The following NECAB1 variants were observed in gnomAD, a reference collection of about 807,000 sequenced individuals.
NECAB1 encodes N-terminal EF-hand calcium-binding protein 1.
A neutral mutation model predicts 57.5 loss-of-function variants in NECAB1; 29 were observed. That is an observed-to-expected ratio of 0.50 (90% CI 0.38 to 0.69). The LOEUF (loss-of-function observed/expected upper bound fraction) is 0.69. Among genes scored for constraint, NECAB1 ranks in the 30% least tolerant of loss-of-function variants. The pLI is 0.00. For synonymous variants in NECAB1, 142 were observed against 147.7 expected, an observed-to-expected ratio of 0.96 and a Z score of 0.28; for missense variants, 372 against 413.8, an observed-to-expected ratio of 0.90 and a Z score of 0.88.
chr8:90,898,423 A>C (rs1025387045), intron 5 of NECAB1, among the ~76,000 whole-genome samples: 2 of 152,178 alleles, frequency 1.3e-5, no homozygotes, highest in African/African-American at 4.8e-5. Flanking sequence ...ACTATTTGGG[A>C]ATCTGTAAAA....
At chr8:90,874,916 C>T (rs1171202949) in intron 4 of NECAB1, among the ~76,000 whole-genome samples, 2 of 151,278 alleles carry the variant, frequency 1.3e-5, no homozygotes, top group African/African-American at 2.4e-5. Context: ...ATCCACTCTT[C>T]ACATACAATT....
At position 90,906,764 on chromosome 8, in the gene NECAB1, A is replaced by G. The variant is rs560399118; in HGVS notation, c.358-10728A>G. On this transcript the variant is annotated intron_variant, in intron 5 of 12. Coordinates refer to ENST00000417640, the MANE Select transcript of NECAB1 (RefSeq NM_022351.5). ...AATATTACCTTCCAATTTATCAATAAGACATTCAGAACTAATTTTAAGTAG... is the reference window on the plus strand; with the variant it reads ...AATATTACCTTCCAATTTATCAATAGGACATTCAGAACTAATTTTAAGTAG... Among the ~76,000 whole-genome samples, 6 of 151,530 alleles carry G rather than the reference A, an allele frequency of 4.0e-5. 1 individual carries two copies. The highest frequency in any genetic ancestry group is 1.5e-4 in the African/African-American group (6 of 41,306).
At chr8:90,851,060 A>G (rs947677491) in intron 3 of NECAB1, among the ~76,000 whole-genome samples, 3 of 152,208 alleles carry the variant, frequency 2.0e-5, no homozygotes, top group African/African-American at 7.2e-5. Flanking sequence ...TCAACTGCCT[A>G]TATAATGAGG....
Position 90,956,943 on chromosome 8 carries a change from CGTGTGTGTGTGTGT to C in NECAB1, c.*1460_*1473del, listed in dbSNP as rs66645266. ...AATTTTGATATATTGTACATACACA[CGTGTGTGTGTGTGT>C]GTGTGTGTGTGTGTGTGTGTGTGTG... On this transcript the variant is annotated 3_prime_UTR_variant, in exon 13 of 13. Coordinates refer to ENST00000417640, the MANE Select transcript of NECAB1 (RefSeq NM_022351.5). 0.02 allele frequency: 2,818 copies of C among 143,440 alleles called. 39 individuals are homozygous for C. Among genetic ancestry groups the C allele is most frequent in the Non-Finnish European group, 0.028 (1,837 of 65,234 alleles). 8.9% of individuals were successfully genotyped at this position (143,440 alleles called of 1,614,324 possible).
chr8:90,886,212 G>A (rs1057240275), intron 5 of NECAB1, among the ~76,000 whole-genome samples: 1 of 151,920 alleles, frequency 6.6e-6, no homozygotes, highest in Non-Finnish European at 1.5e-5. Flanking sequence ...GCTGAGAGAA[G>A]TAAGCAAAAA....
intron 3 of NECAB1, among the ~76,000 whole-genome samples, chr8:90,831,370 TC>T (rs986558776): frequency 6.6e-6 from 1 of 151,950 alleles, no homozygotes; most frequent in African/African-American, 2.4e-5. Flanking sequence ...AAAACTTGAG[TC>T]CCCCGCAGAT....
rs1811998887 is a variant in NECAB1 at position 90,813,250 on chromosome 8, C to T, written c.125-11467C>T. On this transcript the variant is annotated intron_variant, in intron 2 of 12. Coordinates refer to ENST00000417640, the MANE Select transcript of NECAB1 (RefSeq NM_022351.5). The stretch of plus-strand genomic sequence containing the variant: ...ATGTATATATACACACACACACACA[C>T]ACACACACACACACACACACACTTG... 2 of 62,392 alleles carry T rather than the reference C, an allele frequency of 3.2e-5. 1 individual carries two copies. The highest frequency in any genetic ancestry group is 1.2e-4 in the African/African-American group (2 of 16,226). The allele number at this position is 62,392 out of a possible 1,614,324, so 3.9% of individuals were successfully genotyped here.
At chr8:90,886,667 G>C (rs973786263) in intron 5 of NECAB1, among the ~76,000 whole-genome samples, 5 of 152,052 alleles carry the variant, frequency 3.3e-5, no homozygotes, top group African/African-American at 9.7e-5. Context: ...TTACAGGCGA[G>C]AGCCACAGCA....
rs781568824 is a variant in NECAB1, at chr8:90,791,930, C to T, written c.44C>T (p.Ser15Leu). Residue 15 changes from serine (S) to leucine (L), a missense_variant, in exon 1 of 13, where the codon TCG becomes TTG. Coordinates refer to ENST00000417640, the MANE Select transcript of NECAB1 (RefSeq NM_022351.5). ...QETSPSSNNS[S>L]EELSSALHLS... ...ACATCGCCGTCCTCCAACAACTCCT[C>T]GGAGGAGCTCAGCTCTGCTCTGCAC... The T allele has an allele frequency of 1.0e-5, 16 of 1,552,604 alleles. No individual in the cohort carries two copies. The highest frequency in any genetic ancestry group is 1.4e-5 in the Non-Finnish European group (16 of 1,147,564).
At chr8:90,917,833 T>C (rs1809993582) in intron 6 of NECAB1, among the ~76,000 whole-genome samples, 1 of 114,844 alleles carries the variant, frequency 8.7e-6, no homozygotes, top group African/African-American at 3.8e-5. Flanking sequence ...GTCAGTCATT[T>C]AGTAAACTAT....
intron 3 of NECAB1, among the ~76,000 whole-genome samples, chr8:90,854,333 G>A (rs1812750964): frequency 6.6e-6 from 1 of 152,168 alleles, no homozygotes; most frequent in Non-Finnish European, 1.5e-5. Flanking sequence ...TGTAATTGAA[G>A]TACTCATGAG....
chr8:90,892,776 A>G (rs1265529847), intron 5 of NECAB1, among the ~76,000 whole-genome samples: 2 of 152,170 alleles, frequency 1.3e-5, no homozygotes. Flanking sequence ...ACCATGCTCC[A>G]TCCTGCTGGA....
intron 5 of NECAB1, among the ~76,000 whole-genome samples, chr8:90,904,950 G>T (rs867671145): frequency 2.0e-5 from 3 of 152,148 alleles, no homozygotes; most frequent in African/African-American, 7.2e-5. Context: ...AGACTTACAT[G>T]TGTAAAAATT....
intron 8 of NECAB1, 78 bp downstream of exon 8, chr8:90,928,377 C>A: frequency 9.7e-7 from 1 of 1,031,726 alleles, no homozygotes; most frequent in Non-Finnish European, 1.4e-6. Context: ...GCTTTATATC[C>A]ATGACTGCCC....
chr8:90,930,587 A>T (rs1374107328), intron 8 of NECAB1, among the ~76,000 whole-genome samples: 4 of 152,178 alleles, frequency 2.6e-5, no homozygotes, highest in Non-Finnish European at 5.9e-5. Flanking sequence ...GTCTCTGAAA[A>T]GGAGATTCTG....
intron 1 of NECAB1, among the ~76,000 whole-genome samples, chr8:90,800,717 CA>C (rs1183798652): frequency 2.6e-5 from 4 of 152,136 alleles, no homozygotes; most frequent in Non-Finnish European, 5.9e-5. Context: ...GGTTCAAAGT[CA>C]GCAGAAAGAA....
chr8:90,943,426 G>C (rs1322341584), intron 10 of NECAB1, among the ~76,000 whole-genome samples: 2 of 152,166 alleles, frequency 1.3e-5, no homozygotes, highest in Non-Finnish European at 2.9e-5. Context: ...ATGAGCCTCA[G>C]GGAATCACTA....
intron 12 of NECAB1, among the ~76,000 whole-genome samples, chr8:90,952,759 C>T (rs1241704722): frequency 1.3e-5 from 2 of 149,450 alleles, no homozygotes; most frequent in Non-Finnish European, 2.9e-5. Flanking sequence ...GACTGGGCGA[C>T]AGAGCGAGAC....
intron 4 of NECAB1, among the ~76,000 whole-genome samples, chr8:90,879,859 T>A (rs565673370): frequency 6.6e-6 from 1 of 152,324 alleles, no homozygotes; most frequent in South Asian, 2.1e-4. Context: ...AAGAGATAGT[T>A]TACACCACAT....
Sources: gnomAD v4.1 joint callset for allele counts (sites outside exome capture counted in the v4.1 genomes callset) on GRCh38, gnomAD v4.1.1 for gene constraint, MANE v1.5 for transcripts, NCBI Gene and HGNC (gene_info 2026-07-23, HGNC 2026-07-21) for gene names.